The following PYGL variants were observed in gnomAD, a reference collection of about 807,000 sequenced individuals.
The protein encoded by PYGL is glycogen phosphorylase L, also known as glycogen phosphorylase, liver form.
PYGL carries 90 observed loss-of-function variants against 100.1 expected under a neutral mutation model. The observed-to-expected ratio is 0.90, with a 90% confidence interval of 0.76 to 1.07. The LOEUF (loss-of-function observed/expected upper bound fraction) is 1.07, where lower values mean the gene tolerates loss of function less well. Ranked by LOEUF, PYGL falls within the 50% of genes least tolerant of loss-of-function variation. The pLI is 0.00. For missense variants in PYGL, 1,016 were observed against 1,057.6 expected, an observed-to-expected ratio of 0.96 and a Z score of 0.55; for synonymous variants, 373 against 393.0, an observed-to-expected ratio of 0.95 and a Z score of 0.60.
intron 4 of PYGL, among the ~76,000 whole-genome samples, chr14:50,927,378 C>T (rs971341802): frequency 6.6e-6 from 1 of 152,146 alleles, no homozygotes; most frequent in African/African-American, 2.4e-5. Context: ...GTGCCCGCCA[C>T]CACACACAAC....
Position 50,935,160 on chromosome 14 carries a change from T to C in PYGL, c.371A>G (p.Glu124Gly). Residue 124 changes from glutamate to glycine, a missense_variant, in exon 3 of 20, where the codon GAA becomes GGA. Coordinates refer to ENST00000216392, the MANE Select transcript of PYGL (RefSeq NM_002863.5). ...AAGTCCAGCATCTTCTTCAATTTCT[T>C]CTAACTCTTCTATATCCAATCCAAG... ...YQLGLDIEEL[E>G]EIEEDAGLGN... The C allele has an allele frequency of 6.2e-7, 1 of 1,612,592 alleles. No individual in the cohort carries two copies. Among genetic ancestry groups the C allele is most frequent in the Non-Finnish European group, 8.5e-7 (1 of 1,178,602 alleles).
At position 50,912,292 on chromosome 14, in the gene PYGL, C is replaced by T; in HGVS notation, c.1632G>A (p.Leu544=). ...ELAKVKQENK[L]KFSQFLETEY... ...CCGTCTCCAGGAACTGAGAAAACTT[C>T]AGCTTATTCTCCTGTTAAGACAGTG... The change falls in exon 14 of 20, where the codon CTG becomes CTA. Residue 544 remains leucine, a synonymous_variant. Transcript: ENST00000216392. 1 of 1,614,070 alleles carries T rather than the reference C, an allele frequency of 6.2e-7. No individual in the cohort carries two copies. Among genetic ancestry groups the T allele is most frequent in the Non-Finnish European group, 8.5e-7 (1 of 1,179,944 alleles).
rs2050439543 is a variant in PYGL, at chr14:50,915,585, T to C, written c.1240-86A>G. The C allele has an allele frequency of 8.4e-6, 13 of 1,544,772 alleles. No homozygotes were observed. In the South Asian group the frequency reaches 1.4e-4, roughly 16 times the overall value. On this transcript the variant is annotated intron_variant, in intron 10 of 19. Transcript: ENST00000216392. Reference sequence around the variant, plus strand: ...CGCTGTTCATGTCTTAAGCAAAATCTTTGGTGTACTCAATATAAACTTCAC... The same window carrying C: ...CGCTGTTCATGTCTTAAGCAAAATCCTTGGTGTACTCAATATAAACTTCAC...
At chr14:50,909,785 T>C (rs2050373522) in intron 17 of PYGL, 110 bp downstream of exon 17, 8 of 1,250,508 alleles carry the variant, frequency 6.4e-6, no homozygotes, top group Non-Finnish European at 9.4e-6. Context: ...CCACCTCTTA[T>C]GTGATCCAAT....
At chr14:50,925,797 T>G (rs1471629994) in intron 4 of PYGL, among the ~76,000 whole-genome samples, 1 of 152,172 alleles carries the variant, frequency 6.6e-6, no homozygotes, top group Non-Finnish European at 1.5e-5. Flanking sequence ...TTGGAAGAGC[T>G]AGGAGTTAGA....
chr14:50,908,361 G>GA (rs1008941144), intron 18 of PYGL, 24 bp from the exon 19 acceptor site: 10 of 1,535,584 alleles, frequency 6.5e-6, no homozygotes, highest in Admixed American at 1.7e-5. Flanking sequence ...AGTGGAAGAG[G>GA]AAAAAAACAG....
intron 11 of PYGL, 23 bp from the exon 12 acceptor site, chr14:50,914,838 A>G: frequency 1.3e-6 from 2 of 1,581,796 alleles, no homozygotes; most frequent in African/African-American, 1.3e-5. Flanking sequence ...GAGACACATC[A>G]CTGAATTTGG....
At chr14:50,911,112 G>T (rs781537289) in intron 16 of PYGL, among the ~76,000 whole-genome samples, 1 of 152,214 alleles carries the variant, frequency 6.6e-6, no homozygotes, top group Admixed American at 6.5e-5. Context: ...ATACACAGTT[G>T]GGCATTTGCA....
intron 7 of PYGL, among the ~76,000 whole-genome samples, chr14:50,919,885 T>C (rs898659437): frequency 1.5e-4 from 23 of 152,182 alleles, no homozygotes; most frequent in Non-Finnish European, 2.4e-4. Flanking sequence ...GGTTTCGTCA[T>C]GTTGGCCAGG....
At chr14:50,941,565 A>C (rs1246051206) in intron 1 of PYGL, among the ~76,000 whole-genome samples, 2 of 152,222 alleles carry the variant, frequency 1.3e-5, no homozygotes, top group Non-Finnish European at 2.9e-5. Context: ...CTGGATTGTC[A>C]AGATGACAAT....
intron 16 of PYGL, among the ~76,000 whole-genome samples, chr14:50,910,576 C>T (rs1299889013): frequency 2.6e-5 from 4 of 152,136 alleles, no homozygotes; most frequent in African/African-American, 7.2e-5. Context: ...CTGCCCCAGC[C>T]TCCCAAGTAG....
At chr14:50,920,384 G>T (rs183056410) in intron 7 of PYGL, among the ~76,000 whole-genome samples, 157 bp downstream of exon 7, 2 of 152,026 alleles carry the variant, frequency 1.3e-5, no homozygotes, top group African/African-American at 2.4e-5. Flanking sequence ...TCCTTACTTG[G>T]TTGGGAGGAG....
At chr14:50,935,281 GT>G in intron 2 of PYGL, 96 bp from the exon 3 acceptor site, 1 of 992,346 alleles carries the variant, frequency 1.0e-6, no homozygotes, top group Non-Finnish European at 1.6e-6. Context: ...AGGTATTCAG[GT>G]TTAGCTGTGT....
chr14:50,944,275 G>A lies in PYGL; in HGVS notation c.129C>T (p.Asp43=). The A allele has an allele frequency of 6.2e-7, 1 of 1,613,946 alleles. No homozygotes were observed. Among genetic ancestry groups the A allele is most frequent in the Non-Finnish European group, 8.5e-7 (1 of 1,179,904 alleles). Residue 43 remains aspartate (D), a synonymous_variant, in exon 1 of 20, where the codon GAC becomes GAT. Coordinates refer to ENST00000216392, the MANE Select transcript of PYGL (RefSeq NM_002863.5). ...NRHLHFTLVK[D]RNVATTRDYY... is the part of the protein sequence containing the mutation. Reference sequence around the variant, plus strand: ...AGTCGCGGGTGGTGGCCACGTTGCGGTCCTTGACCAGCGTGAAGTGCAGGT... The same window carrying A: ...AGTCGCGGGTGGTGGCCACGTTGCGATCCTTGACCAGCGTGAAGTGCAGGT...
At chr14:50,933,714 C>A (rs1373748868) in intron 3 of PYGL, among the ~76,000 whole-genome samples, 1 of 152,064 alleles carries the variant, frequency 6.6e-6, no homozygotes, top group African/African-American at 2.4e-5. Flanking sequence ...AAATTCCAGA[C>A]CTTTTTTTCT....
intron 19 of PYGL, among the ~76,000 whole-genome samples, chr14:50,906,024 G>A (rs1054364263): frequency 1.3e-5 from 2 of 152,190 alleles, no homozygotes; most frequent in African/African-American, 4.8e-5. Flanking sequence ...TTCAATGAGA[G>A]GCTTTATTGA....
intron 2 of PYGL, 34 bp downstream of exon 2, chr14:50,937,702 G>A (rs769337004): frequency 1.3e-6 from 2 of 1,567,128 alleles, no homozygotes; most frequent in Non-Finnish European, 8.8e-7. Context: ...GAAATTTAAA[G>A]AGACAGGATG....
At chr14:50,913,700 T>C (rs2050420837) in intron 12 of PYGL, among the ~76,000 whole-genome samples, 1 of 152,042 alleles carries the variant, frequency 6.6e-6, no homozygotes, top group Non-Finnish European at 1.5e-5. Context: ...TTTTATTTAA[T>C]TTTTTTGGCG....
In PYGL at chr14:50,932,008, G is replaced by A. The variant is rs898585070; in HGVS notation, c.425-232C>T. Among the ~76,000 whole-genome samples the A allele has an allele frequency of 7.2e-5, 11 of 152,156 alleles. No individual in the cohort carries two copies. The South Asian group carries it at 1.7e-3, about 23-fold the overall frequency. ...AGAAAATGCAAAAATGTATAAAGAA[G>A]AAAATCTCATCTATGACCTCACCAT... On this transcript the variant is annotated intron_variant, in intron 3 of 19. Transcript: ENST00000216392.
Sources: gnomAD v4.1 joint callset for allele counts (sites outside exome capture counted in the v4.1 genomes callset) on GRCh38, gnomAD v4.1.1 for gene constraint, MANE v1.5 for transcripts, NCBI Gene and HGNC (gene_info 2026-07-23, HGNC 2026-07-21) for gene names.